The following GRID2 variants were observed in gnomAD, a reference collection of about 807,000 sequenced individuals.
GRID2 encodes the protein glutamate receptor ionotropic, delta-2.
In GRID2, 33 loss-of-function variants were observed where a neutral mutation model predicts 114.8. The observed-to-expected ratio is 0.29, with a 90% CI of 0.22 to 0.38. GRID2 has a LOEUF of 0.38. Ranked by LOEUF, GRID2 falls within the 10% of genes least tolerant of loss-of-function variation. The pLI, the probability that GRID2 is intolerant of heterozygous loss-of-function variation, is 1.00. For synonymous variants in GRID2, 505 were observed against 449.9 expected, an observed-to-expected ratio of 1.12 and a Z score of -1.55; for missense variants, 1,184 against 1,257.7, an observed-to-expected ratio of 0.94 and a Z score of 0.89.
chr4:93,582,456 T>C (rs1241778385), intron 13 of GRID2, among the ~76,000 whole-genome samples: 2 of 152,144 alleles, frequency 1.3e-5, no homozygotes, highest in African/African-American at 4.8e-5. Context: ...AAGGTAGACA[T>C]ATTGGAGTGG....
intron 8 of GRID2, among the ~76,000 whole-genome samples, chr4:93,267,604 G>A (rs1433733074): frequency 2.6e-5 from 4 of 152,128 alleles, no homozygotes; most frequent in African/African-American, 9.7e-5. Context: ...TTCAGACCAC[G>A]TAACTGCCCA....
intron 1 of GRID2, among the ~76,000 whole-genome samples, chr4:92,405,983 C>CT (rs1184835837): frequency 1.3e-5 from 2 of 152,118 alleles, no homozygotes; most frequent in African/African-American, 4.8e-5. Context: ...AACTGAAGAA[C>CT]TTGGAGTCCA....
intron 2 of GRID2, among the ~76,000 whole-genome samples, chr4:92,925,496 C>G (rs1207490873): frequency 6.6e-6 from 1 of 152,036 alleles, no homozygotes; most frequent in Admixed American, 6.6e-5. Context: ...CCTTTATCCA[C>G]AAACAAATAC....
At chr4:92,689,321 C>A (rs1016366831) in intron 2 of GRID2, among the ~76,000 whole-genome samples, 1 of 152,158 alleles carries the variant, frequency 6.6e-6, no homozygotes, top group African/African-American at 2.4e-5. Flanking sequence ...CTATGGAAGT[C>A]CTAGATGGCG....
chr4:92,590,294 C>T lies in GRID2; in HGVS notation c.244+8C>T. 6.3e-7 allele frequency: 1 copy of T among 1,598,150 alleles called. No individual in the cohort carries two copies. Among genetic ancestry groups the T allele is most frequent in the Non-Finnish European group, 8.5e-7 (1 of 1,172,002 alleles). ...TCCAAGCAGTTCAAGAAGGTAAGGTCATCAGTATTTATTTTGGTTTTTTGG... is the reference window on the plus strand; with the variant it reads ...TCCAAGCAGTTCAAGAAGGTAAGGTTATCAGTATTTATTTTGGTTTTTTGG... On this transcript the variant is annotated splice_region_variant and intron_variant, in intron 2 of 15. Transcript: ENST00000282020.
intron 4 of GRID2, among the ~76,000 whole-genome samples, chr4:93,180,578 C>T (rs1334031659): frequency 6.6e-6 from 1 of 152,020 alleles, no homozygotes; most frequent in Non-Finnish European, 1.5e-5. Flanking sequence ...TAGCATTTAC[C>T]CAGAGTAGAG....
At chr4:93,448,361 A>G (rs1475411942) in intron 10 of GRID2, among the ~76,000 whole-genome samples, 1 of 151,720 alleles carries the variant, frequency 6.6e-6, no homozygotes, top group African/African-American at 2.4e-5. Context: ...AACATGCTAC[A>G]TAGAAAAACA....
At chr4:93,183,504 G>C (rs1231254067) in intron 4 of GRID2, among the ~76,000 whole-genome samples, 1 of 152,152 alleles carries the variant, frequency 6.6e-6, no homozygotes, top group Non-Finnish European at 1.5e-5. Context: ...GCACTCAATA[G>C]AGGGTCCATT....
At chr4:93,307,371 G>T (rs937340839) in intron 8 of GRID2, among the ~76,000 whole-genome samples, 1 of 151,814 alleles carries the variant, frequency 6.6e-6, no homozygotes, top group African/African-American at 2.4e-5. Context: ...GCAGCAAATG[G>T]CTTTAGCTTC....
chr4:93,093,615 A>G (rs1207843319), intron 3 of GRID2, among the ~76,000 whole-genome samples: 2 of 152,016 alleles, frequency 1.3e-5, no homozygotes, highest in Non-Finnish European at 2.9e-5. Flanking sequence ...ACCCAGCTAC[A>G]TGTCACGTGC....
chr4:92,526,492 C>T (rs1210941318), intron 1 of GRID2, among the ~76,000 whole-genome samples: 1 of 151,870 alleles, frequency 6.6e-6, no homozygotes, highest in African/African-American at 2.4e-5. Flanking sequence ...TATAGGTGCC[C>T]ACAACATGCC....
intron 2 of GRID2, among the ~76,000 whole-genome samples, chr4:92,791,457 T>G (rs1006233944): frequency 2.0e-4 from 31 of 151,898 alleles, no homozygotes; most frequent in African/African-American, 7.5e-4. Context: ...TTTTTATGAT[T>G]AGTTTTACTT....
intron 14 of GRID2, among the ~76,000 whole-genome samples, chr4:93,630,021 A>G (rs1743098116): frequency 6.6e-6 from 1 of 152,202 alleles, no homozygotes; most frequent in African/African-American, 2.4e-5. Context: ...GGTTATATCA[A>G]TACACTCACA....
chr4:93,714,181 CAT>C lies in GRID2; in HGVS notation c.2361-55028_2361-55027del. ...TTCGGTTCCCACATGTAAGTGAGAACATGTGGTGTTTGGTTTTCTTTTCCTGT... is the reference window on the plus strand; with the variant it reads ...TTCGGTTCCCACATGTAAGTGAGAACGTGGTGTTTGGTTTTCTTTTCCTGT... On this transcript the variant is annotated intron_variant, in intron 14 of 15. Transcript: ENST00000282020. 1.3e-5 allele frequency among the ~76,000 whole-genome samples: 2 copies of C among 152,134 alleles called. 1 individual carries two copies. The highest frequency in any genetic ancestry group is 4.1e-4 in the South Asian group (2 of 4,824).
intron 2 of GRID2, among the ~76,000 whole-genome samples, chr4:92,808,361 A>G (rs1740514029): frequency 1.3e-5 from 2 of 152,054 alleles, no homozygotes; most frequent in Non-Finnish European, 2.9e-5. Context: ...AAAAAAGTCA[A>G]ACATTTTATG....
intron 14 of GRID2, among the ~76,000 whole-genome samples, chr4:93,636,239 AT>A (rs776437726): frequency 1.4e-3 from 208 of 152,264 alleles, no homozygotes; most frequent in Middle Eastern, 3.4e-3. Flanking sequence ...AGCAAGTCTG[AT>A]TAGCCTTTTT....
intron 1 of GRID2, among the ~76,000 whole-genome samples, chr4:92,498,883 G>A (rs1247598092): frequency 1.4e-5 from 2 of 148,134 alleles, no homozygotes; most frequent in African/African-American, 5.0e-5. Context: ...TTGAATTTAT[G>A]AGTATGCCAA....
chr4:93,561,247 T>C (rs192181535), intron 13 of GRID2, among the ~76,000 whole-genome samples: 2 of 152,260 alleles, frequency 1.3e-5, no homozygotes, highest in South Asian at 2.1e-4. Flanking sequence ...TTTGAAATTT[T>C]CCTCAATGAA....
intron 11 of GRID2, among the ~76,000 whole-genome samples, chr4:93,471,268 G>A (rs1274181582): frequency 6.6e-6 from 1 of 152,126 alleles, no homozygotes; most frequent in Non-Finnish European, 1.5e-5. Flanking sequence ...AACTGAGGCT[G>A]TGCTGCTTCT....
Sources: allele counts gnomAD v4.1 joint callset (sites outside exome capture counted in the v4.1 genomes callset), GRCh38; gene constraint gnomAD v4.1.1; transcripts MANE v1.5; gene names NCBI Gene and HGNC (gene_info 2026-07-23, HGNC 2026-07-21).